Variants in VMP1 observed in about 807,000 individuals in gnomAD.
VMP1 encodes ectopic P-granules autophagy protein 3 homolog.
VMP1 carries 11 observed loss-of-function variants against 56.0 expected under a neutral mutation model. That is an observed-to-expected ratio of 0.20 (90% confidence interval 0.12 to 0.32). The LOEUF is 0.32. VMP1 is among the 10% of genes least tolerant of loss of function. The pLI is 1.00. For synonymous variants in VMP1, 149 were observed against 165.0 expected, an observed-to-expected ratio of 0.90 and a Z score of 0.74; for missense variants, 296 against 490.3, an observed-to-expected ratio of 0.60 and a Z score of 3.74.
chr17:59,745,167 G>A (rs1179457225), intron 5 of VMP1, among the ~76,000 whole-genome samples: 1 of 152,148 alleles, frequency 6.6e-6, no homozygotes, highest in Non-Finnish European at 1.5e-5. Flanking sequence ...TGAAATGTGA[G>A]CATAAGTGAT....
intron 9 of VMP1, among the ~76,000 whole-genome samples, chr17:59,817,477 A>G (rs1037824773): frequency 2.6e-5 from 4 of 151,526 alleles, no homozygotes; most frequent in African/African-American, 4.8e-5. Context: ...TCAGCCTCCC[A>G]AGTAGCTGGG....
intron 11 of VMP1, 143 bp downstream of exon 11, chr17:59,838,540 TCTA>T: frequency 1.3e-6 from 1 of 741,182 alleles, no homozygotes; most frequent in Non-Finnish European, 2.3e-6. Context: ...CTGTGTATGC[TCTA>T]CTGGGAAATT....
intron 5 of VMP1, among the ~76,000 whole-genome samples, chr17:59,763,974 C>T (rs2036146935): frequency 6.6e-6 from 1 of 152,046 alleles, no homozygotes; most frequent in Non-Finnish European, 1.5e-5. Flanking sequence ...CTTAAGGGAC[C>T]CAGGAATTTA....
chr17:59,726,207 CAAATGTTT>C (rs1480610468), intron 1 of VMP1, among the ~76,000 whole-genome samples: 1 of 151,392 alleles, frequency 6.6e-6, no homozygotes, highest in Non-Finnish European at 1.5e-5. Context: ...TAGATATTTA[CAAATGTTT>C]AAATATCTTC....
At chr17:59,726,696 A>G (rs756555643) in intron 1 of VMP1, among the ~76,000 whole-genome samples, 14 of 152,340 alleles carry the variant, frequency 9.2e-5, no homozygotes, top group Admixed American at 3.9e-4. Flanking sequence ...TCCATTTCAA[A>G]CATCCTCAGT....
intron 7 of VMP1, 54 bp downstream of exon 7, chr17:59,773,939 A>AT: frequency 6.9e-7 from 1 of 1,459,344 alleles, no homozygotes; most frequent in South Asian, 1.5e-5. Context: ...TAAAGAGGCT[A>AT]TTAAGGTAAA....
At chr17:59,744,163 T>G (rs2035331200) in intron 5 of VMP1, among the ~76,000 whole-genome samples, 1 of 151,636 alleles carries the variant, frequency 6.6e-6, no homozygotes, top group African/African-American at 2.4e-5. Context: ...TGATAGTGAC[T>G]AGAAAGCCAA....
chr17:59,753,843 A>G (rs1016026588), intron 5 of VMP1, among the ~76,000 whole-genome samples: 1 of 152,138 alleles, frequency 6.6e-6, no homozygotes, highest in Non-Finnish European at 1.5e-5. Flanking sequence ...GGATTTTCTC[A>G]TGTTTAAAGT....
At chr17:59,799,151 G>A (rs1291275476) in intron 7 of VMP1, among the ~76,000 whole-genome samples, 1 of 152,136 alleles carries the variant, frequency 6.6e-6, no homozygotes, top group African/African-American at 2.4e-5. Context: ...AGTTATGCCT[G>A]CATTGATTTT....
In VMP1 at chr17:59,765,087, C is replaced by A. The variant is rs1264675235; in HGVS notation, c.531C>A (p.Thr177=). The change falls in exon 6 of 12, where the codon ACC becomes ACA. Residue 177 remains threonine, a synonymous_variant. Transcript: ENST00000262291. ...ICPDEEGTEG[T]ISLWSIISKV... is the part of the protein sequence containing the mutation. ...CAGATGAAGAGGGCACTGAAGGAAC[C>A]ATTTCTTTGTGGAGTATCATCTCAA... 4.3e-6 allele frequency: 7 copies of A among 1,614,062 alleles called. No individual in the cohort carries two copies. The highest frequency in any genetic ancestry group is 5.1e-6 in the Non-Finnish European group (6 of 1,179,984).
chr17:59,838,108 T>C (rs1347077695), intron 10 of VMP1, 187 bp from the exon 11 acceptor site: 13 of 275,146 alleles, frequency 4.7e-5, no homozygotes, highest in South Asian at 9.2e-5. Context: ...TTCTTTTTTT[T>C]TTTTTTTTTT....
intron 6 of VMP1, among the ~76,000 whole-genome samples, chr17:59,773,181 C>CGAT (rs935887102): frequency 4.0e-5 from 6 of 151,552 alleles, no homozygotes; most frequent in Non-Finnish European, 5.9e-5. Context: ...AGGATGGTCT[C>CGAT]GATCTCTTGA....
intron 5 of VMP1, among the ~76,000 whole-genome samples, chr17:59,750,752 T>G (rs926962057): frequency 2.6e-5 from 4 of 152,136 alleles, no homozygotes; most frequent in African/African-American, 9.7e-5. Flanking sequence ...ATTTCCTCTG[T>G]TTTTAGTTCT....
chr17:59,731,673 G>C lies in VMP1; in HGVS notation c.76+151G>C, dbSNP rs997244310. 19 of 480,904 alleles carry C rather than the reference G, an allele frequency of 4.0e-5. No individual in the cohort carries two copies. In the Admixed American group the frequency reaches 4.7e-4, roughly 12 times the overall value. 29.8% of individuals were successfully genotyped at this position (480,904 alleles called of 1,614,324 possible). A position where few individuals can be genotyped will look rare whatever the true frequency, so the allele number is the denominator to read the frequency against. ...TTATGGGTCAGTCAGGGCCTGTAAG[G>C]TGATATTTCACAGTGATGGCAGAAG... On this transcript the variant is annotated intron_variant, in intron 2 of 11. Coordinates refer to ENST00000262291, the MANE Select transcript of VMP1 (RefSeq NM_030938.5).
intron 1 of VMP1, among the ~76,000 whole-genome samples, chr17:59,710,561 T>C (rs1257383873): frequency 6.6e-6 from 1 of 152,240 alleles, no homozygotes; most frequent in African/African-American, 2.4e-5. Flanking sequence ...TTTCCCTCTT[T>C]AGCTAGTTTA....
chr17:59,819,150 G>T (rs1364162596), intron 10 of VMP1, among the ~76,000 whole-genome samples: 1 of 152,014 alleles, frequency 6.6e-6, no homozygotes, highest in Non-Finnish European at 1.5e-5. Flanking sequence ...GAGCTTATCA[G>T]TGTGGATTAT....
At position 59,818,596 on chromosome 17, in the gene VMP1, TC is replaced by T. The variant is rs541748521; in HGVS notation, c.974+826del. Among the ~76,000 whole-genome samples the T allele has an allele frequency of 1.4e-4, 21 of 151,358 alleles. No individual in the cohort carries two copies. In the East Asian group the frequency reaches 4.1e-3, roughly 30 times the overall value. On this transcript the variant is annotated intron_variant, in intron 10 of 11. Coordinates refer to ENST00000262291, the MANE Select transcript of VMP1 (RefSeq NM_030938.5). ...GACCAGCCTCACCAACATGGAGAAA[TC>T]CCATCTCTACTAAAAATACAAAATT...
At chr17:59,744,769 A>G (rs1382415421) in intron 5 of VMP1, among the ~76,000 whole-genome samples, 3 of 152,024 alleles carry the variant, frequency 2.0e-5, no homozygotes, top group East Asian at 3.9e-4. Context: ...GAGATCTAGT[A>G]TATGCCATTT....
At chr17:59,743,001 G>T (rs2035285297) in intron 5 of VMP1, among the ~76,000 whole-genome samples, 2 of 152,046 alleles carry the variant, frequency 1.3e-5, no homozygotes, top group African/African-American at 2.4e-5. Context: ...AAAGGTTGGG[G>T]ACCACTGCCA....
Sources: allele counts gnomAD v4.1 joint callset (sites outside exome capture counted in the v4.1 genomes callset), GRCh38; gene constraint gnomAD v4.1.1; transcripts MANE v1.5; gene names NCBI Gene and HGNC (gene_info 2026-07-23, HGNC 2026-07-21).